The following NAALADL2 variants were observed in gnomAD, a reference collection of about 807,000 sequenced individuals.
NAALADL2 encodes N-acetylated alpha-linked acidic dipeptidase like 2.
In NAALADL2, 76 loss-of-function variants were observed where a neutral mutation model predicts 87.2. The ratio of observed to expected loss-of-function variants is 0.87; its 90% CI spans 0.72 to 1.05. NAALADL2 has a LOEUF of 1.05. Ranked by LOEUF, NAALADL2 falls within the 50% of genes least tolerant of loss-of-function variation. NAALADL2 has a pLI of 0.00. For missense variants in NAALADL2, 1,089 were observed against 945.8 expected (o/e 1.15, Z -1.99); for synonymous variants, 354 against 331.0 (o/e 1.07, Z -0.75).
intron 5 of NAALADL2, among the ~76,000 whole-genome samples, chr3:175,442,218 T>A (rs1044778973): frequency 3.9e-5 from 6 of 152,114 alleles, no homozygotes; most frequent in African/African-American, 1.4e-4. Flanking sequence ...GTGCTTGGAT[T>A]ACAGGTGTGA....
At chr3:175,260,310 A>G (rs1046799864) in intron 4 of NAALADL2, among the ~76,000 whole-genome samples, 3 of 152,164 alleles carry the variant, frequency 2.0e-5, no homozygotes, top group African/African-American at 7.2e-5. Flanking sequence ...GAGCCTTGCC[A>G]CAAACTTGGC....
chr3:175,396,704 T>A (rs988769484), intron 5 of NAALADL2, among the ~76,000 whole-genome samples: 3 of 152,062 alleles, frequency 2.0e-5, no homozygotes, highest in Non-Finnish European at 4.4e-5. Flanking sequence ...GGGAGGGACA[T>A]GGTGGGAGGT....
At chr3:175,305,056 T>G (rs1757528985) in intron 4 of NAALADL2, among the ~76,000 whole-genome samples, 1 of 152,172 alleles carries the variant, frequency 6.6e-6, no homozygotes, top group Non-Finnish European at 1.5e-5. Flanking sequence ...TGATTTGCTC[T>G]GTGATACAAA....
intron 4 of NAALADL2, among the ~76,000 whole-genome samples, chr3:175,273,339 T>C (rs1382884692): frequency 6.6e-6 from 1 of 152,130 alleles, no homozygotes; most frequent in African/African-American, 2.4e-5. Context: ...GATATTAATT[T>C]GGTAGCATAT....
intron 5 of NAALADL2, among the ~76,000 whole-genome samples, chr3:175,443,168 T>G (rs1482372991): frequency 6.6e-6 from 1 of 152,198 alleles, no homozygotes; most frequent in Non-Finnish European, 1.5e-5. Context: ...GAACTGTGTG[T>G]CAAATTTCCA....
intron 2 of NAALADL2, among the ~76,000 whole-genome samples, chr3:175,125,158 A>G (rs571519158): frequency 1.8e-4 from 27 of 152,092 alleles, no homozygotes; most frequent in African/African-American, 6.5e-4. Context: ...TAAAAAATGT[A>G]TTTTAAATTT....
chr3:174,864,131 G>A (rs972978351), intron 1 of NAALADL2: 1 of 451,560 alleles, frequency 2.2e-6, no homozygotes, highest in Non-Finnish European at 4.4e-6. Flanking sequence ...AAAGGTGCAT[G>A]TGAAGATGGA....
intron 1 of NAALADL2, among the ~76,000 whole-genome samples, chr3:175,056,430 C>T (rs187780633): frequency 1.2e-4 from 19 of 152,266 alleles, no homozygotes; most frequent in African/African-American, 4.6e-4. Flanking sequence ...TGTCCTACAG[C>T]TTAGTTTTCC....
At chr3:175,773,980 T>A (rs1320443110) in intron 13 of NAALADL2, among the ~76,000 whole-genome samples, 1 of 152,112 alleles carries the variant, frequency 6.6e-6, no homozygotes, top group Non-Finnish European at 1.5e-5. Flanking sequence ...ATTTATGAAC[T>A]CTTGATGACT....
At chr3:174,627,619 A>G (rs977561563) in intron 2 of NAALADL2, among the ~76,000 whole-genome samples, 4 of 152,228 alleles carry the variant, frequency 2.6e-5, no homozygotes, top group African/African-American at 9.6e-5. Context: ...AAATCATTTT[A>G]TTAAAAGACA....
At chr3:174,789,314 G>T (rs1461233253) in intron 3 of NAALADL2, among the ~76,000 whole-genome samples, 1 of 152,184 alleles carries the variant, frequency 6.6e-6, no homozygotes, top group Non-Finnish European at 1.5e-5. Context: ...ACCACCAAAA[G>T]GAGTGGAGCC....
At chr3:175,013,123 C>T (rs372149552) in intron 1 of NAALADL2, among the ~76,000 whole-genome samples, 6,692 of 44,816 alleles carry the variant, frequency 0.15, 1,239 homozygotes, top group African/African-American at 0.44. Context: ...TATAAATATA[C>T]ATATTTATAT....
At chr3:174,443,614 G>A (rs1280739256) in intron 1 of NAALADL2, among the ~76,000 whole-genome samples, 2 of 152,172 alleles carry the variant, frequency 1.3e-5, no homozygotes, top group African/African-American at 4.8e-5. Context: ...ATAGCGGGTT[G>A]TAAAAGCGAA....
intron 2 of NAALADL2, among the ~76,000 whole-genome samples, chr3:174,638,947 C>A (rs192792627): frequency 1.3e-5 from 2 of 152,138 alleles, no homozygotes; most frequent in Non-Finnish European, 2.9e-5. Context: ...GCTGTCTGCT[C>A]CAACACAAGC....
At chr3:175,606,476 T>G (rs1723755104) in intron 10 of NAALADL2, among the ~76,000 whole-genome samples, 1 of 152,074 alleles carries the variant, frequency 6.6e-6, no homozygotes, top group Non-Finnish European at 1.5e-5. Context: ...AAAATCTATT[T>G]TGTCACCTTA....
chr3:175,414,335 T>C (rs1394304729), intron 5 of NAALADL2, among the ~76,000 whole-genome samples: 1 of 152,192 alleles, frequency 6.6e-6, no homozygotes, highest in African/African-American at 2.4e-5. Flanking sequence ...AGTATATGAA[T>C]ATTTAGTGCA....
chr3:175,552,151 C>A (rs1182974506), intron 9 of NAALADL2, among the ~76,000 whole-genome samples: 2 of 118,398 alleles, frequency 1.7e-5, no homozygotes, highest in East Asian at 6.3e-4. Context: ...ATGGGAATAA[C>A]TATTTATAAC....
At chr3:175,767,673 AT>A (rs1447915951) in intron 13 of NAALADL2, 1 of 152,152 alleles carries the variant, frequency 6.6e-6, no homozygotes, top group African/African-American at 2.4e-5. Context: ...TAAATAAAAA[AT>A]GTATATATTT....
At chr3:174,882,638 C>CATATACGCATATGCGCATATGCGT (rs1348974465) in intron 1 of NAALADL2, among the ~76,000 whole-genome samples, 20 of 81,290 alleles carry the variant, frequency 2.5e-4, no homozygotes, top group African/African-American at 8.2e-4. Context: ...TGCATATACA[C>CATATACGCATATGCGCATATGCGT]ATATGTGCAT....
Sources: allele counts gnomAD v4.1 joint callset (sites outside exome capture counted in the v4.1 genomes callset), GRCh38; gene constraint gnomAD v4.1.1; transcripts MANE v1.5; gene names NCBI Gene and HGNC (gene_info 2026-07-23, HGNC 2026-07-21).